The following SLC9B1 variants were observed in gnomAD, a reference collection of about 807,000 sequenced individuals.
The protein encoded by SLC9B1 is solute carrier family 9 member B1.
In SLC9B1, 32 loss-of-function variants were observed where a neutral mutation model predicts 51.7. The ratio of observed to expected loss-of-function variants is 0.62; its 90% confidence interval spans 0.47 to 0.83. The LOEUF (loss-of-function observed/expected upper bound fraction) is 0.83, where lower values mean the gene tolerates loss of function less well. SLC9B1 is among the 40% of genes least tolerant of loss of function. SLC9B1 has a pLI of 0.00. For synonymous variants in SLC9B1, 145 were observed against 212.7 expected (o/e 0.68, Z 2.77); for missense variants, 406 against 613.2 (o/e 0.66, Z 3.57).
At chr4:102,909,056 T>A (rs113473428) in intron 9 of SLC9B1, among the ~76,000 whole-genome samples, 3,104 of 137,786 alleles carry the variant, frequency 0.023, 45 homozygotes, top group Non-Finnish European at 0.035. Flanking sequence ...AGTGATAATA[T>A]CAAGTGCTGT....
chr4:102,978,061 T>C (rs1268797907), intron 3 of SLC9B1, among the ~76,000 whole-genome samples: 1 of 152,172 alleles, frequency 6.6e-6, no homozygotes, highest in African/African-American at 2.4e-5. Flanking sequence ...AAGAGGTGTT[T>C]GGTTTTTTGT....
At position 103,013,752 on chromosome 4, in the gene SLC9B1, G is replaced by A. The variant is rs572331974; in HGVS notation, c.-2+5847C>T. Among the ~76,000 whole-genome samples the A allele has an allele frequency of 2.6e-5, 4 of 152,294 alleles. No individual in the cohort carries two copies. The South Asian group carries it at 8.3e-4, about 32-fold the overall frequency. ...ACCATCGACCTAGTTGCTCAAAACA[G>A]AAACTGAGAAGTCATTCTTTCTCGC... On this transcript the variant is annotated intron_variant, in intron 1 of 11. Transcript: ENST00000296422.
chr4:102,996,983 G>A (rs1004422677), intron 1 of SLC9B1, among the ~76,000 whole-genome samples: 15 of 150,516 alleles, frequency 1.0e-4, no homozygotes, highest in African/African-American at 2.9e-4. Flanking sequence ...TAGTAGAGTC[G>A]AAGACTCACT....
intron 9 of SLC9B1, among the ~76,000 whole-genome samples, chr4:102,909,773 T>C (rs1240217798): frequency 6.6e-6 from 1 of 152,304 alleles, no homozygotes; most frequent in Admixed American, 6.5e-5. Flanking sequence ...TTTTATTCTA[T>C]ATGTTTTATT....
At chr4:102,929,515 A>T (rs1197263362) in intron 7 of SLC9B1, among the ~76,000 whole-genome samples, 1 of 152,046 alleles carries the variant, frequency 6.6e-6, no homozygotes, top group African/African-American at 2.4e-5. Flanking sequence ...CGGCAAAAGG[A>T]AGAGGAATTT....
chr4:102,893,523 G>A (rs1734377679), intron 11 of SLC9B1, among the ~76,000 whole-genome samples: 1 of 152,138 alleles, frequency 6.6e-6, no homozygotes, highest in African/African-American at 2.4e-5. Flanking sequence ...GTTGCAAGAA[G>A]GATAATTCCA....
intron 3 of SLC9B1, among the ~76,000 whole-genome samples, chr4:102,956,078 C>T (rs750309510): frequency 2.6e-5 from 4 of 151,968 alleles, no homozygotes; most frequent in Non-Finnish European, 4.4e-5. Context: ...CAGTAACCTC[C>T]GTAAAATCCT....
chr4:102,967,235 G>T (rs2110494677), intron 3 of SLC9B1, among the ~76,000 whole-genome samples: 1 of 152,198 alleles, frequency 6.6e-6, no homozygotes, highest in African/African-American at 2.4e-5. Flanking sequence ...TATCCTTAAT[G>T]CTCTGTTTAT....
chr4:102,912,676 T>A (rs1735394435), intron 7 of SLC9B1, among the ~76,000 whole-genome samples: 1 of 152,016 alleles, frequency 6.6e-6, no homozygotes, highest in South Asian at 2.1e-4. Flanking sequence ...AGCCCAAGAG[T>A]TTGAGACCAG....
chr4:102,983,240 C>G (rs972130173), intron 3 of SLC9B1, among the ~76,000 whole-genome samples: 1 of 151,982 alleles, frequency 6.6e-6, no homozygotes, highest in Non-Finnish European at 1.5e-5. Flanking sequence ...GGATAAATCC[C>G]ACTTGGTCAT....
intron 3 of SLC9B1, among the ~76,000 whole-genome samples, chr4:102,970,524 C>T (rs1578390504): frequency 1.3e-5 from 2 of 152,112 alleles, no homozygotes; most frequent in African/African-American, 4.8e-5. Context: ...GTACCAGCCA[C>T]ACAAAAACAT....
chr4:102,977,140 ACT>A (rs544489634), intron 3 of SLC9B1, among the ~76,000 whole-genome samples: 2 of 151,830 alleles, frequency 1.3e-5, no homozygotes, highest in African/African-American at 4.8e-5. Context: ...ACAGAGTGAG[ACT>A]CTGCCTCCAA....
At chr4:102,957,679 G>T (rs1248484428) in intron 3 of SLC9B1, among the ~76,000 whole-genome samples, 1 of 152,092 alleles carries the variant, frequency 6.6e-6, no homozygotes, top group African/African-American at 2.4e-5. Flanking sequence ...AAGATAAAAG[G>T]ATATGACACC....
Position 102,932,109 on chromosome 4 carries a change from T to C in SLC9B1, c.829+15A>G, listed in dbSNP as rs781258639. ...GTCATGAATGATCTAGTGGTTGTTA[T>C]ATTTTCTTGTTTACCTGAGGAAAAG... On this transcript the variant is annotated intron_variant, in intron 7 of 11. Coordinates refer to ENST00000296422, the MANE Select transcript of SLC9B1 (RefSeq NM_139173.4). 28 of 1,611,224 alleles carry C rather than the reference T, an allele frequency of 1.7e-5. No individual in the cohort carries two copies. Among genetic ancestry groups the C allele is most frequent in the Non-Finnish European group, 1.4e-5 (16 of 1,179,396 alleles).
At chr4:102,926,943 C>T (rs1214306172) in intron 7 of SLC9B1, among the ~76,000 whole-genome samples, 1 of 152,120 alleles carries the variant, frequency 6.6e-6, no homozygotes, top group Non-Finnish European at 1.5e-5. Flanking sequence ...AGAAATAAGA[C>T]CACACATCTA....
intron 3 of SLC9B1, chr4:102,963,159 T>G: frequency 2.8e-6 from 1 of 360,968 alleles, no homozygotes; most frequent in Middle Eastern, 1.0e-3. Flanking sequence ...AACCTAAGTT[T>G]GCAGAGGTTC....
Position 102,991,644 on chromosome 4 carries a change from T to C in SLC9B1, c.68A>G (p.Gln23Arg). Residue 23 changes from glutamine (Q) to arginine (R), a missense_variant and splice_region_variant, in exon 2 of 12, where the codon CAG becomes CGG. Transcript: ENST00000296422. ...DENFQTSTTP[Q>R]SLIDPNNTAQ... Reference sequence around the variant, plus strand: ...TACAGTATACTTTTAAGTTTTTACCTGAGGAGTTGTAGATGTTTGGAAGTT... The same window carrying C: ...TACAGTATACTTTTAAGTTTTTACCCGAGGAGTTGTAGATGTTTGGAAGTT... The C allele has an allele frequency of 6.3e-7, 1 of 1,577,990 alleles. No individual in the cohort carries two copies. The highest frequency in any genetic ancestry group is 1.9e-4 in the Middle Eastern group (1 of 5,328).
intron 2 of SLC9B1, 25 bp downstream of exon 2, chr4:102,991,618 T>G (rs753435700): frequency 1.4e-6 from 2 of 1,456,486 alleles, no homozygotes; most frequent in Non-Finnish European, 1.9e-6. Context: ...ATATCATATA[T>G]TACAGTATAC....
At chr4:102,927,294 G>C (rs1237988680) in intron 7 of SLC9B1, among the ~76,000 whole-genome samples, 1 of 152,126 alleles carries the variant, frequency 6.6e-6, no homozygotes, top group Non-Finnish European at 1.5e-5. Context: ...AAAAGAAACT[G>C]CCATCAGAGT....
Sources: gnomAD v4.1 joint callset for allele counts (sites outside exome capture counted in the v4.1 genomes callset) on GRCh38, gnomAD v4.1.1 for gene constraint, MANE v1.5 for transcripts, NCBI Gene and HGNC (gene_info 2026-07-23, HGNC 2026-07-21) for gene names.